RALB: variants seen among roughly 807,000 people sequenced by gnomAD.
RALB encodes the protein RAS like proto-oncogene B, also known as ras-related protein Ral-B.
Under a neutral mutation model 21.3 loss-of-function variants are expected in RALB, and 16 were observed. The ratio of observed to expected loss-of-function variants is 0.75; its 90% CI spans 0.51 to 1.14. RALB has a LOEUF of 1.14. RALB is among the 50% of genes most tolerant of loss of function. The pLI, the probability that RALB is intolerant of heterozygous loss-of-function variation, is 0.00. For missense variants in RALB, 161 were observed against 256.2 expected (o/e 0.63, Z 2.54); for synonymous variants, 93 against 96.1 (o/e 0.97, Z 0.19).
intron 1 of RALB, among the ~76,000 whole-genome samples, chr2:120,263,139 C>T (rs1418259437): frequency 2.6e-5 from 4 of 152,234 alleles, no homozygotes; most frequent in African/African-American, 9.6e-5. Context: ...AGGCCAGTTT[C>T]TTTCTCAAGA....
At chr2:120,241,033 G>A (rs1410768904) in intron 1 of RALB, among the ~76,000 whole-genome samples, 2 of 152,188 alleles carry the variant, frequency 1.3e-5, no homozygotes, top group Non-Finnish European at 2.9e-5. Flanking sequence ...CTGTCACGGG[G>A]TGTGCGTTTG....
At chr2:120,262,647 TTCCTTGTGTGA>T (rs1235995053) in intron 1 of RALB, among the ~76,000 whole-genome samples, 6 of 152,114 alleles carry the variant, frequency 3.9e-5, no homozygotes, top group African/African-American at 1.4e-4. Flanking sequence ...AGGTGGCAGC[TTCCTTGTGTGA>T]TCCTCTCAGC....
chr2:120,243,495 CCA>C lies in RALB; in HGVS notation c.19+3376_19+3377del, dbSNP rs201768023. Among the ~76,000 whole-genome samples the C allele has an allele frequency of 1.4e-3, 213 of 152,302 alleles. 1 individual carries two copies. In the East Asian group the frequency reaches 0.02, roughly 14 times the overall value. Reference sequence around the variant, plus strand: ...CCATCCTCCTGGTGCAGGAGAGCTGCCACACACTGTCTCATTGGAGTCCCCAG... The same window carrying C: ...CCATCCTCCTGGTGCAGGAGAGCTGCCACACTGTCTCATTGGAGTCCCCAG... On this transcript the variant is annotated intron_variant, in intron 1 of 3. Coordinates refer to the RALB transcript ENST00000447591.
chr2:120,276,790 C>T (rs942017982), intron 1 of RALB, among the ~76,000 whole-genome samples: 1 of 152,102 alleles, frequency 6.6e-6, no homozygotes, highest in African/African-American at 2.4e-5. Context: ...CCTATTTAGT[C>T]CTCAGAACAT....
upstream of RALB, among the ~76,000 whole-genome samples, chr2:120,249,488 G>A (rs990836364): frequency 2.6e-5 from 4 of 152,176 alleles, no homozygotes; most frequent in African/African-American, 9.7e-5. Flanking sequence ...GAAGCTTCCA[G>A]TCATGGCGGA....
chr2:120,284,780 C>A (rs1690085218), intron 2 of RALB, among the ~76,000 whole-genome samples: 4 of 152,154 alleles, frequency 2.6e-5, no homozygotes, highest in African/African-American at 9.7e-5. Flanking sequence ...GTAGTCATTC[C>A]CCGTTATTGC....
Sources: allele counts gnomAD v4.1 joint callset (sites outside exome capture counted in the v4.1 genomes callset), GRCh38; gene constraint gnomAD v4.1.1; transcripts MANE v1.5; gene names NCBI Gene and HGNC (gene_info 2026-07-23, HGNC 2026-07-21).